RNFT2: variants seen among roughly 807,000 people sequenced by gnomAD.
The protein encoded by RNFT2 is E3 ubiquitin-protein ligase RNFT2.
RNFT2 carries 36 observed loss-of-function variants against 53.0 expected under a neutral mutation model. That is an observed-to-expected ratio of 0.68 (90% confidence interval 0.52 to 0.90). The LOEUF (loss-of-function observed/expected upper bound fraction) is 0.90. RNFT2 is among the 40% of genes least tolerant of loss of function. The pLI is 0.00. For synonymous variants in RNFT2, 260 were observed against 253.2 expected (o/e 1.03, Z -0.26); for missense variants, 514 against 585.6 (o/e 0.88, Z 1.26).
rs1221327510 is a variant in RNFT2 at position 116,741,059 on chromosome 12, C to T, written c.48C>T (p.Arg16=). 1 of 1,611,092 alleles carries T rather than the reference C, an allele frequency of 6.2e-7. No individual in the cohort carries two copies. The highest frequency in any genetic ancestry group is 1.1e-5 in the South Asian group (1 of 90,314). The change falls in exon 3 of 11, where the codon CGC becomes CGT. Residue 16 remains arginine, a synonymous_variant. Coordinates refer to ENST00000257575, the MANE Select transcript of RNFT2 (RefSeq NM_001382266.1). ...AGGTGTTAAGGAAGATGCAGAGACG[C>T]CACAGCAGCAACACGGATAACATTC... The part of the protein sequence containing the change: ...VNQVLRKMQR[R]HSSNTDNIPP...
chr12:116,837,483 G>C (rs1301695861), intron 10 of RNFT2, among the ~76,000 whole-genome samples: 1 of 152,134 alleles, frequency 6.6e-6, no homozygotes, highest in Non-Finnish European at 1.5e-5. Context: ...TACGGGTAGG[G>C]GGATAGAAGG....
intron 10 of RNFT2, among the ~76,000 whole-genome samples, chr12:116,845,251 A>AT (rs1877544779): frequency 1.7e-5 from 2 of 115,286 alleles, no homozygotes; most frequent in African/African-American, 1.1e-4. Context: ...TTCAAAAAAA[A>AT]AAAAAAAATA....
intron 7 of RNFT2, among the ~76,000 whole-genome samples, chr12:116,827,674 G>C (rs1236620786): frequency 6.6e-6 from 1 of 152,242 alleles, no homozygotes; most frequent in Non-Finnish European, 1.5e-5. Context: ...TGTAGTGACA[G>C]AGGTGAGTAG....
intron 7 of RNFT2, among the ~76,000 whole-genome samples, chr12:116,822,617 G>A (rs1876103375): frequency 6.6e-6 from 1 of 152,178 alleles, no homozygotes; most frequent in Non-Finnish European, 1.5e-5. Context: ...ACTACCACCT[G>A]CAGTGAGTCC....
chr12:116,831,208 AAAG>A (rs1272405263), intron 7 of RNFT2, among the ~76,000 whole-genome samples: 35 of 151,758 alleles, frequency 2.3e-4, no homozygotes, highest in Non-Finnish European at 4.6e-4. Flanking sequence ...CAAAAAAAAA[AAAG>A]AGAGAGAGAG....
At chr12:116,820,422 A>G (rs1331052851) in intron 7 of RNFT2, among the ~76,000 whole-genome samples, 3 of 152,160 alleles carry the variant, frequency 2.0e-5, no homozygotes, top group Admixed American at 6.5e-5. Flanking sequence ...CTCAATTCAG[A>G]ATAGCCACAT....
intron 7 of RNFT2, among the ~76,000 whole-genome samples, chr12:116,785,284 G>C (rs1873887828): frequency 1.2e-5 from 1 of 82,540 alleles, no homozygotes. Context: ...TGGCGGGGGG[G>C]GGTTGTTTGT....
chr12:116,779,018 A>G (rs557520267), intron 6 of RNFT2, among the ~76,000 whole-genome samples, 177 bp from the exon 7 acceptor site: 1 of 152,360 alleles, frequency 6.6e-6, no homozygotes, highest in South Asian at 2.1e-4. Context: ...AGGTTAAAAG[A>G]TCCACGTGAG....
At chr12:116,795,693 A>G (rs1227300698) in intron 7 of RNFT2, among the ~76,000 whole-genome samples, 1 of 152,146 alleles carries the variant, frequency 6.6e-6, no homozygotes, top group Admixed American at 6.5e-5. Flanking sequence ...TCAGCTTCCC[A>G]AAAGTACAGG....
chr12:116,791,434 C>A (rs1163189590), intron 7 of RNFT2, among the ~76,000 whole-genome samples: 1 of 152,168 alleles, frequency 6.6e-6, no homozygotes, highest in Non-Finnish European at 1.5e-5. Flanking sequence ...CCTCAGCCCC[C>A]AAGAGTAGCT....
chr12:116,759,963 G>T (rs964395919), intron 5 of RNFT2, among the ~76,000 whole-genome samples: 1 of 152,132 alleles, frequency 6.6e-6, no homozygotes, highest in Non-Finnish European at 1.5e-5. Context: ...GGGTAGGAGG[G>T]AAGGACCATC....
At chr12:116,831,313 G>C (rs528245236) in intron 7 of RNFT2, among the ~76,000 whole-genome samples, 38 of 152,144 alleles carry the variant, frequency 2.5e-4, no homozygotes, top group Non-Finnish European at 5.0e-4. Context: ...CCACAGAAGT[G>C]ATACTGTGTC....
chr12:116,804,868 G>A (rs11068194), intron 7 of RNFT2, among the ~76,000 whole-genome samples: 4,272 of 152,230 alleles, frequency 0.028, 160 homozygotes, highest in East Asian at 0.14. Context: ...TCAGGAAGCC[G>A]AAGTGGGAGG....
intron 10 of RNFT2, among the ~76,000 whole-genome samples, chr12:116,840,469 A>G (rs891152682): frequency 1.3e-5 from 2 of 152,188 alleles, no homozygotes; most frequent in Admixed American, 6.5e-5. Flanking sequence ...CCAGGGCTGC[A>G]TTACAAGATC....
intron 7 of RNFT2, among the ~76,000 whole-genome samples, chr12:116,795,402 C>T (rs954806043): frequency 1.0e-4 from 15 of 149,290 alleles, no homozygotes; most frequent in Non-Finnish European, 1.6e-4. Flanking sequence ...AGTGAGACTC[C>T]ATCTCCAGAA....
At chr12:116,785,086 TTTC>T (rs1873869635) in intron 7 of RNFT2, among the ~76,000 whole-genome samples, 1 of 151,968 alleles carries the variant, frequency 6.6e-6, no homozygotes, top group African/African-American at 2.4e-5. Flanking sequence ...TCCCCCTCTG[TTTC>T]TTCCCTCTGC....
chr12:116,797,988 C>G (rs1048555828), intron 7 of RNFT2, among the ~76,000 whole-genome samples: 2 of 152,134 alleles, frequency 1.3e-5, no homozygotes, highest in African/African-American at 2.4e-5. Context: ...GCTGCCTCCA[C>G]CCTGTCCCTG....
At chr12:116,770,519 C>G (rs144185984) in intron 6 of RNFT2, among the ~76,000 whole-genome samples, 35 of 152,192 alleles carry the variant, frequency 2.3e-4, no homozygotes, top group African/African-American at 7.2e-4. Flanking sequence ...AATGTAACAG[C>G]TTTTAAAAGT....
At chr12:116,771,290 T>C (rs1185337906) in intron 6 of RNFT2, among the ~76,000 whole-genome samples, 1 of 151,466 alleles carries the variant, frequency 6.6e-6, no homozygotes, top group Non-Finnish European at 1.5e-5. Context: ...TGAGACTCCA[T>C]CTCTACAAAA....
Sources: allele counts gnomAD v4.1 joint callset (sites outside exome capture counted in the v4.1 genomes callset), GRCh38; gene constraint gnomAD v4.1.1; transcripts MANE v1.5; gene names NCBI Gene and HGNC (gene_info 2026-07-23, HGNC 2026-07-21).